The following SOX5 variants were observed in gnomAD, a reference collection of about 807,000 sequenced individuals.
SOX5 encodes SRY-box transcription factor 5, also known as transcription factor SOX-5.
A neutral mutation model predicts 92.0 loss-of-function variants in SOX5; 9 were observed. That is an observed-to-expected ratio of 0.10 (90% CI 0.06 to 0.17). The LOEUF is 0.17. SOX5 is among the 10% of genes least tolerant of loss of function. SOX5 has a pLI of 1.00. For missense variants in SOX5, 642 were observed against 944.5 expected, an observed-to-expected ratio of 0.68 and a Z score of 4.20; for synonymous variants, 344 against 336.3, an observed-to-expected ratio of 1.02 and a Z score of -0.25.
At chr12:24,229,876 T>C (rs1962999857) in intron 3 of SOX5, among the ~76,000 whole-genome samples, 2 of 152,206 alleles carry the variant, frequency 1.3e-5, no homozygotes, top group Admixed American at 6.5e-5. Flanking sequence ...TTCATTTTTA[T>C]TTTTATTCCA....
At chr12:24,548,041 T>C (rs1381666855) in intron 1 of SOX5, among the ~76,000 whole-genome samples, 2 of 152,216 alleles carry the variant, frequency 1.3e-5, no homozygotes, top group Non-Finnish European at 2.9e-5. Context: ...CGGAGATTTT[T>C]TTAAGTACCT....
chr12:24,384,507 C>T lies in SOX5; in HGVS notation c.-250-15868G>A, dbSNP rs138012985. On this transcript the variant is annotated intron_variant, in intron 1 of 4. Transcript: ENST00000446891. Reference sequence around the variant, plus strand: ...TATGCAAAAGAGAAAGGGTAAAGTGCTTCCTTTAAAAAGTGAAAAGGTGAA... The same window carrying T: ...TATGCAAAAGAGAAAGGGTAAAGTGTTTCCTTTAAAAAGTGAAAAGGTGAA... Among the ~76,000 whole-genome samples, 525 of 152,242 alleles carry T rather than the reference C, an allele frequency of 3.4e-3. 4 individuals are homozygous for T. The highest frequency in any genetic ancestry group is 0.012 in the African/African-American group (492 of 41,512).
chr12:24,290,624 T>C (rs1177339677), intron 2 of SOX5, among the ~76,000 whole-genome samples: 1 of 152,142 alleles, frequency 6.6e-6, no homozygotes, highest in Non-Finnish European at 1.5e-5. Flanking sequence ...ACTTTCCTTT[T>C]CTGCCTCCCC....
chr12:24,387,732 G>C, intron 1 of SOX5, among the ~76,000 whole-genome samples: 1 of 152,148 alleles, frequency 6.6e-6, no homozygotes, highest in East Asian at 1.9e-4. Context: ...TACATAATCA[G>C]TAAAATTGTT....
chr12:24,286,999 T>A (rs561373594), intron 2 of SOX5, among the ~76,000 whole-genome samples: 7 of 152,152 alleles, frequency 4.6e-5, no homozygotes, highest in Non-Finnish European at 7.4e-5. Context: ...GGTCTGGGAA[T>A]AGAATTTTTG....
At chr12:23,554,203 GT>G (rs1366363857) in intron 11 of SOX5, among the ~76,000 whole-genome samples, 1 of 152,088 alleles carries the variant, frequency 6.6e-6, no homozygotes, top group African/African-American at 2.4e-5. Flanking sequence ...TGAGTATATT[GT>G]TTTTGCTTTC....
At chr12:24,355,280 ATCTTTTTTTTTTTTTT>A (rs1954667053) in intron 2 of SOX5, among the ~76,000 whole-genome samples, 2 of 84,032 alleles carry the variant, frequency 2.4e-5, no homozygotes, top group African/African-American at 1.2e-4. Flanking sequence ...TGAGGGGTGC[ATCTTTTTTTTTTTTTT>A]TTTTTTTTTT....
intron 2 of SOX5, among the ~76,000 whole-genome samples, chr12:24,326,983 A>T (rs2140948993): frequency 6.6e-6 from 1 of 152,276 alleles, no homozygotes; most frequent in African/African-American, 2.4e-5. Flanking sequence ...GCTACTACCT[A>T]GCATTTGGCA....
At chr12:24,390,784 A>G (rs1958916943) in intron 1 of SOX5, among the ~76,000 whole-genome samples, 1 of 152,086 alleles carries the variant, frequency 6.6e-6, no homozygotes, top group African/African-American at 2.4e-5. Flanking sequence ...ATTCTGTGGC[A>G]TGTGTACATA....
intron 4 of SOX5, among the ~76,000 whole-genome samples, chr12:24,076,314 G>T (rs1488893825): frequency 6.6e-6 from 1 of 152,124 alleles, no homozygotes; most frequent in African/African-American, 2.4e-5. Flanking sequence ...TTGTTTAAGT[G>T]AGCATTAAAG....
chr12:24,556,892 A>G (rs1349756731), intron 1 of SOX5, among the ~76,000 whole-genome samples: 1 of 152,158 alleles, frequency 6.6e-6, no homozygotes, highest in African/African-American at 2.4e-5. Context: ...TTTAGACTCA[A>G]ATAAGTTCAA....
chr12:23,793,538 G>A (rs1320520008), intron 3 of SOX5, among the ~76,000 whole-genome samples: 1 of 152,150 alleles, frequency 6.6e-6, no homozygotes, highest in Non-Finnish European at 1.5e-5. Context: ...GTATTTTATG[G>A]GGTATAGGTG....
At chr12:24,275,659 A>G (rs1421700849) in intron 3 of SOX5, among the ~76,000 whole-genome samples, 1 of 152,196 alleles carries the variant, frequency 6.6e-6, no homozygotes, top group Non-Finnish European at 1.5e-5. Context: ...AAAGAAATAT[A>G]AAATTTTATC....
chr12:24,381,230 T>C (rs12298770), intron 1 of SOX5, among the ~76,000 whole-genome samples: 13,025 of 152,270 alleles, frequency 0.086, 635 homozygotes, highest in Middle Eastern at 0.15. Flanking sequence ...AATAAAAACA[T>C]TCTGTTTCAT....
At chr12:24,148,260 G>A (rs1951274223) in intron 4 of SOX5, among the ~76,000 whole-genome samples, 1 of 152,072 alleles carries the variant, frequency 6.6e-6, no homozygotes, top group African/African-American at 2.4e-5. Context: ...ACTTTGGGAG[G>A]TCGAGGTGGG....
intron 4 of SOX5, among the ~76,000 whole-genome samples, chr12:24,182,177 T>C (rs1484676379): frequency 2.0e-5 from 3 of 152,128 alleles, no homozygotes; most frequent in Non-Finnish European, 4.4e-5. Context: ...AGTGAATAAA[T>C]ACTTTCCAAA....
chr12:24,442,987 C>G (rs931666665), intron 1 of SOX5, among the ~76,000 whole-genome samples: 1 of 120,886 alleles, frequency 8.3e-6, no homozygotes, highest in Non-Finnish European at 1.6e-5. Flanking sequence ...GAGTCTTGCT[C>G]TGTCACTAGG....
At chr12:24,351,381 A>G (rs963138027) in intron 2 of SOX5, among the ~76,000 whole-genome samples, 3 of 152,188 alleles carry the variant, frequency 2.0e-5, no homozygotes, top group African/African-American at 7.2e-5. Context: ...TATCTCTATC[A>G]GTGATTATAA....
chr12:24,285,563 C>T (rs1358388405), intron 2 of SOX5, among the ~76,000 whole-genome samples: 4 of 152,192 alleles, frequency 2.6e-5, no homozygotes, highest in Non-Finnish European at 5.9e-5. Context: ...CAGTGCCTAA[C>T]ATCATGGAAA....
Sources: allele counts gnomAD v4.1 joint callset (sites outside exome capture counted in the v4.1 genomes callset), GRCh38; gene constraint gnomAD v4.1.1; transcripts MANE v1.5; gene names NCBI Gene and HGNC (gene_info 2026-07-23, HGNC 2026-07-21).